RSPH14: variants seen among roughly 807,000 people sequenced by gnomAD.
The protein encoded by RSPH14 is radial spoke head 14 homolog, also known as rhabdoid tumor deletion region gene 1.
A neutral mutation model predicts 26.7 loss-of-function variants in RSPH14; 20 were observed. The observed-to-expected ratio is 0.75, with a 90% confidence interval of 0.53 to 1.09. The LOEUF (loss-of-function observed/expected upper bound fraction) is 1.09, where lower values mean the gene tolerates loss of function less well. RSPH14 is among the 50% of genes least tolerant of loss of function. The pLI is 0.00. For synonymous variants in RSPH14, 177 were observed against 189.3 expected (o/e 0.93, Z 0.53); for missense variants, 449 against 457.2 (o/e 0.98, Z 0.16).
the RSPH14 span, among the ~76,000 whole-genome samples, chr22:23,150,602 G>A: frequency 6.6e-6 from 1 of 152,134 alleles, no homozygotes; most frequent in Non-Finnish European, 1.5e-5. Context: ...TGCCCAGCCA[G>A]ATGACTGGGG....
chr22:23,151,324 G>C, the RSPH14 span, among the ~76,000 whole-genome samples: 1 of 152,190 alleles, frequency 6.6e-6, no homozygotes, highest in Non-Finnish European at 1.5e-5. Context: ...GGATCAGAGG[G>C]TACCTGCTGT....
chr22:23,095,654 C>A, intron 4 of RSPH14: 1 of 1,558,984 alleles, frequency 6.4e-7, no homozygotes, highest in Non-Finnish European at 8.7e-7. Flanking sequence ...GGGAGAGGTG[C>A]CCCATCCCGT....
intron 4 of RSPH14, among the ~76,000 whole-genome samples, chr22:23,065,740 G>A (rs1240629300): frequency 6.6e-6 from 1 of 152,070 alleles, no homozygotes; most frequent in African/African-American, 2.4e-5. Context: ...CTGTCCCTGT[G>A]TGCCCAGAAC....
At chr22:23,122,615 C>CTGTCT in intron 4 of RSPH14, 1 of 167,020 alleles carries the variant, frequency 6.0e-6, no homozygotes, top group Admixed American at 5.6e-5. Flanking sequence ...GGGCCAGAAC[C>CTGTCT]CAGATAGGGC....
chr22:23,145,458 CAGGTCCCGCGT>C, upstream of RSPH14: 1 of 1,610,326 alleles, frequency 6.2e-7, no homozygotes, highest in Non-Finnish European at 8.5e-7. Flanking sequence ...GTGTAGCCCG[CAGGTCCCGCGT>C]GGCTCTCGTT....
intron 4 of RSPH14, among the ~76,000 whole-genome samples, chr22:23,110,753 C>T (rs1158495607): frequency 6.6e-6 from 1 of 152,344 alleles, no homozygotes; most frequent in Non-Finnish European, 1.5e-5. Context: ...GCAGAGAGTT[C>T]ATGCCAAGCT....
At chr22:23,170,953 C>T in the RSPH14 span, among the ~76,000 whole-genome samples, 1 of 151,862 alleles carries the variant, frequency 6.6e-6, no homozygotes, top group East Asian at 1.9e-4. Context: ...GAAGTTTTAG[C>T]CTGTTGCACT....
intron 4 of RSPH14, among the ~76,000 whole-genome samples, chr22:23,119,117 C>T (rs578127103): frequency 6.6e-6 from 1 of 152,350 alleles, no homozygotes; most frequent in Admixed American, 6.5e-5. Flanking sequence ...ATAGACGGCT[C>T]TGTTTTCAGT....
intron 4 of RSPH14, among the ~76,000 whole-genome samples, chr22:23,082,303 G>A (rs374715481): frequency 4.6e-5 from 7 of 150,824 alleles, no homozygotes; most frequent in Admixed American, 2.6e-4. Flanking sequence ...TGCAACCTCC[G>A]CCTCCCAGGT....
chr22:23,174,901 A>T, the RSPH14 span, among the ~76,000 whole-genome samples: 1 of 151,170 alleles, frequency 6.6e-6, no homozygotes. Flanking sequence ...CGGGAAGCGG[A>T]GGTTGTGGTG....
At chr22:23,130,080 AAAGG>A (rs57165694) in intron 4 of RSPH14, among the ~76,000 whole-genome samples, 646 of 29,128 alleles carry the variant, frequency 0.022, 19 homozygotes, top group African/African-American at 0.084. Context: ...AGAAAGAAAG[AAAGG>A]AAGAAAGAAA....
chr22:23,079,460 G>A (rs2068610605), intron 4 of RSPH14, among the ~76,000 whole-genome samples: 1 of 152,188 alleles, frequency 6.6e-6, no homozygotes, highest in South Asian at 2.1e-4. Context: ...GGCAGGAGTG[G>A]GGGAGGGGGA....
chr22:23,126,855 T>C (rs2070195849), intron 4 of RSPH14, among the ~76,000 whole-genome samples: 1 of 152,216 alleles, frequency 6.6e-6, no homozygotes, highest in African/African-American at 2.4e-5. Context: ...CTGTGGGATA[T>C]TGCCATCCTC....
At chr22:23,146,461 C>G, upstream of RSPH14, 1 of 1,349,818 alleles carries the variant, frequency 7.4e-7, no homozygotes, top group Non-Finnish European at 9.6e-7. Context: ...ATCCTCCCAC[C>G]TTGGCCTCCC....
intron 4 of RSPH14, chr22:23,131,442 G>A: frequency 5.3e-6 from 2 of 379,598 alleles, no homozygotes; most frequent in Non-Finnish European, 9.8e-6. Flanking sequence ...TGCTTGGACT[G>A]TACCTATGAT....
At chr22:23,067,975 G>A (rs1050293003) in intron 4 of RSPH14, among the ~76,000 whole-genome samples, 1 of 152,158 alleles carries the variant, frequency 6.6e-6, no homozygotes, top group African/African-American at 2.4e-5. Context: ...GTGGGACCAC[G>A]CCTACTGTAA....
upstream of RSPH14, among the ~76,000 whole-genome samples, chr22:23,149,656 GC>G (rs1386965399): frequency 1.3e-5 from 2 of 152,210 alleles, no homozygotes; most frequent in Non-Finnish European, 2.9e-5. Context: ...TTCCACCTCA[GC>G]CTCCTCAGTA....
chr22:23,075,504 G>A (rs934763541), intron 4 of RSPH14, among the ~76,000 whole-genome samples: 5 of 152,168 alleles, frequency 3.3e-5, no homozygotes, highest in Admixed American at 6.5e-5. Flanking sequence ...GCTTCTTTGC[G>A]TTCATCTCTT....
the RSPH14 span, chr22:23,152,414 C>T: frequency 6.3e-7 from 1 of 1,597,978 alleles, no homozygotes; most frequent in Non-Finnish European, 8.6e-7. Flanking sequence ...TGTCTGAAGA[C>T]ACCCTGGAAG....
Sources: gnomAD v4.1 joint callset for allele counts (sites outside exome capture counted in the v4.1 genomes callset) on GRCh38, gnomAD v4.1.1 for gene constraint, MANE v1.5 for transcripts, NCBI Gene and HGNC (gene_info 2026-07-23, HGNC 2026-07-21) for gene names.